The following CDK14 variants were observed in gnomAD, a reference collection of about 807,000 sequenced individuals.
CDK14 encodes the protein cyclin dependent kinase 14, also known as cyclin-dependent kinase 14.
A neutral mutation model predicts 60.7 loss-of-function variants in CDK14; 34 were observed. The observed-to-expected ratio is 0.56, with a 90% CI of 0.43 to 0.75. CDK14 has a LOEUF of 0.75. Among genes scored for constraint, CDK14 ranks in the 30% least tolerant of loss-of-function variants. The pLI, the probability that CDK14 is intolerant of heterozygous loss-of-function variation, is 0.00. For missense variants in CDK14, 482 were observed against 564.1 expected (o/e 0.85, Z 1.47); for synonymous variants, 197 against 203.7 (o/e 0.97, Z 0.28).
At chr7:90,681,561 A>T (rs531986622) in intron 2 of CDK14, among the ~76,000 whole-genome samples, 1 of 152,186 alleles carries the variant, frequency 6.6e-6, no homozygotes, top group African/African-American at 2.4e-5. Context: ...CTGAATGTTT[A>T]TGCCCATTGT....
chr7:90,749,928 G>A (rs1160109444), intron 4 of CDK14, among the ~76,000 whole-genome samples: 1 of 152,118 alleles, frequency 6.6e-6, no homozygotes, highest in Non-Finnish European at 1.5e-5. Context: ...AGGCAACAGA[G>A]AGCATCTCCC....
intron 3 of CDK14, among the ~76,000 whole-genome samples, chr7:90,743,724 A>AT (rs1373066076): frequency 1.3e-5 from 2 of 151,830 alleles, no homozygotes; most frequent in Admixed American, 1.3e-4. Flanking sequence ...TTTAACATTC[A>AT]TTTTTTATGG....
chr7:90,805,224 A>C (rs1330883498), intron 5 of CDK14, among the ~76,000 whole-genome samples: 3 of 152,108 alleles, frequency 2.0e-5, no homozygotes, highest in Non-Finnish European at 4.4e-5. Flanking sequence ...AGCTACTATA[A>C]GTTGCTTTAA....
At chr7:91,127,795 G>A (rs1032799872) in intron 14 of CDK14, among the ~76,000 whole-genome samples, 5 of 151,966 alleles carry the variant, frequency 3.3e-5, no homozygotes, top group African/African-American at 1.2e-4. Context: ...AAACTAAAAA[G>A]TTGCTGTTAT....
At chr7:90,874,070 G>C (rs990509617) in intron 6 of CDK14, among the ~76,000 whole-genome samples, 3 of 151,952 alleles carry the variant, frequency 2.0e-5, no homozygotes, top group African/African-American at 7.3e-5. Flanking sequence ...TATTAATTCA[G>C]GGCCTCCCAG....
intron 2 of CDK14, among the ~76,000 whole-genome samples, chr7:90,719,791 C>T (rs768585535): frequency 1.3e-5 from 2 of 152,138 alleles, no homozygotes; most frequent in Non-Finnish European, 2.9e-5. Context: ...GACATCCCTG[C>T]TTATGTGATT....
chr7:91,061,850 G>A (rs1408510506), intron 11 of CDK14, among the ~76,000 whole-genome samples: 2 of 152,210 alleles, frequency 1.3e-5, no homozygotes, highest in African/African-American at 4.8e-5. Context: ...GGGGGTCAGG[G>A]ACCCACTTGA....
At chr7:90,971,017 G>A (rs767593831) in intron 9 of CDK14, among the ~76,000 whole-genome samples, 4 of 151,838 alleles carry the variant, frequency 2.6e-5, no homozygotes, top group African/African-American at 4.8e-5. Flanking sequence ...GCCATGTTGC[G>A]CTCATCAACT....
Position 91,188,804 on chromosome 7 carries a change from G to A in CDK14, c.*29-18361G>A, listed in dbSNP as rs189063070. ...TAGAGCAACAGTGTATCACTACCTT[G>A]TGTAATTGTTGATGAGTTTAGAAAT... On this transcript the variant is annotated intron_variant, in intron 14 of 14. Coordinates refer to ENST00000380050, the MANE Select transcript of CDK14 (RefSeq NM_001287135.2). Among the ~76,000 whole-genome samples the A allele has an allele frequency of 6.6e-3, 998 of 152,322 alleles. 5 individuals carry two copies. The highest frequency in any genetic ancestry group is 0.022 in the African/African-American group (933 of 41,572).
At chr7:90,930,270 A>G (rs1185858432) in intron 8 of CDK14, among the ~76,000 whole-genome samples, 7 of 152,206 alleles carry the variant, frequency 4.6e-5, no homozygotes, top group Admixed American at 2.0e-4. Context: ...AAAATGTATG[A>G]TTTGAAATAA....
At chr7:90,941,995 G>A (rs1793951005) in intron 8 of CDK14, among the ~76,000 whole-genome samples, 1 of 152,196 alleles carries the variant, frequency 6.6e-6, no homozygotes, top group Admixed American at 6.5e-5. Flanking sequence ...CAATGCAGCT[G>A]ATATCTGGCT....
At chr7:91,188,143 C>G (rs1343123662) in intron 14 of CDK14, among the ~76,000 whole-genome samples, 1 of 151,788 alleles carries the variant, frequency 6.6e-6, no homozygotes, top group East Asian at 1.9e-4. Flanking sequence ...CGCTATCTGC[C>G]GAAGTAATTT....
chr7:91,176,571 T>C (rs1275631275), intron 14 of CDK14, among the ~76,000 whole-genome samples: 1 of 150,740 alleles, frequency 6.6e-6, no homozygotes, highest in Non-Finnish European at 1.5e-5. Context: ...GCAAGACTAA[T>C]AAAGAAAAAA....
intron 6 of CDK14, among the ~76,000 whole-genome samples, chr7:90,867,039 GC>G: frequency 6.6e-6 from 1 of 152,210 alleles, no homozygotes; most frequent in Non-Finnish European, 1.5e-5. Context: ...TAACATGTGG[GC>G]CCCTCTGATG....
intron 5 of CDK14, among the ~76,000 whole-genome samples, chr7:90,806,143 G>A (rs1259384371): frequency 6.6e-6 from 1 of 152,104 alleles, no homozygotes; most frequent in African/African-American, 2.4e-5. Flanking sequence ...ACTCAAAATT[G>A]ATCAAAGACC....
chr7:91,015,874 C>T (rs533007308), intron 10 of CDK14, among the ~76,000 whole-genome samples: 1 of 151,864 alleles, frequency 6.6e-6, no homozygotes, highest in African/African-American at 2.4e-5. Flanking sequence ...TGATGATTTA[C>T]ATGTTAGCAG....
At chr7:90,618,460 G>A (rs865835530) in intron 2 of CDK14, among the ~76,000 whole-genome samples, 2 of 151,970 alleles carry the variant, frequency 1.3e-5, no homozygotes, top group Non-Finnish European at 2.9e-5. Flanking sequence ...TGCTTTTGGT[G>A]GTTTAGTTGC....
intron 2 of CDK14, among the ~76,000 whole-genome samples, chr7:90,697,731 TA>T (rs1801690346): frequency 1.3e-5 from 2 of 152,056 alleles, no homozygotes; most frequent in Admixed American, 1.3e-4. Flanking sequence ...TAAATAGTAT[TA>T]AAAGAATCAA....
At chr7:90,687,501 AG>A (rs1225910281) in intron 2 of CDK14, among the ~76,000 whole-genome samples, 2 of 152,096 alleles carry the variant, frequency 1.3e-5, no homozygotes, top group East Asian at 3.9e-4. Context: ...TTTTTGAACA[AG>A]GGAAAAAGAT....
Sources: gnomAD v4.1 joint callset for allele counts (sites outside exome capture counted in the v4.1 genomes callset) on GRCh38, gnomAD v4.1.1 for gene constraint, MANE v1.5 for transcripts, NCBI Gene and HGNC (gene_info 2026-07-23, HGNC 2026-07-21) for gene names.